Variants in SLC28A1 observed in about 807,000 individuals in gnomAD.
SLC28A1 encodes the protein sodium/nucleoside cotransporter 1.
A neutral mutation model predicts 74.8 loss-of-function variants in SLC28A1; 64 were observed. That is an observed-to-expected ratio of 0.86 (90% CI 0.70 to 1.05). The LOEUF (loss-of-function observed/expected upper bound fraction) is 1.05, where lower values mean the gene tolerates loss of function less well. Among genes scored for constraint, SLC28A1 ranks in the 50% least tolerant of loss-of-function variants. The pLI, the probability that SLC28A1 is intolerant of heterozygous loss-of-function variation, is 0.00. For missense variants in SLC28A1, 828 were observed against 822.8 expected (o/e 1.01, Z -0.08); for synonymous variants, 359 against 335.0 (o/e 1.07, Z -0.78).
At chr15:84,954,027 T>C in the SLC28A1 span, among the ~76,000 whole-genome samples, 3 of 152,328 alleles carry the variant, frequency 2.0e-5, no homozygotes, top group East Asian at 5.8e-4. Flanking sequence ...TTCTACTGAA[T>C]TGGATTTCTC....
chr15:84,908,596 C>CG (rs201878058), intron 8 of SLC28A1, 122 bp from the exon 9 acceptor site: 3 of 789,208 alleles, frequency 3.8e-6, no homozygotes, highest in South Asian at 1.4e-5. Flanking sequence ...TGCCCCCCCC[C>CG]GGATAAGGGC....
At chr15:84,943,591 G>A in intron 16 of SLC28A1, 65 bp downstream of exon 16, 3 of 1,219,846 alleles carry the variant, frequency 2.5e-6, no homozygotes, top group Non-Finnish European at 2.4e-6. Context: ...CTCGGGACAT[G>A]TAGGCCTCAG....
chr15:84,966,947 T>C, the SLC28A1 span, among the ~76,000 whole-genome samples: 1 of 151,086 alleles, frequency 6.6e-6, no homozygotes, highest in Admixed American at 6.7e-5. Context: ...AAGTTTTTTA[T>C]TTTTATTTTT....
intron 5 of SLC28A1, among the ~76,000 whole-genome samples, chr15:84,893,090 C>T (rs1596207794): frequency 1.3e-5 from 2 of 151,730 alleles, no homozygotes; most frequent in African/African-American, 4.8e-5. Flanking sequence ...CTTCCTGGCC[C>T]GCCCCGACCA....
At chr15:84,892,053 C>A (rs1014682487) in intron 5 of SLC28A1, among the ~76,000 whole-genome samples, 1 of 151,864 alleles carries the variant, frequency 6.6e-6, no homozygotes, top group Non-Finnish European at 1.5e-5. Context: ...TAAAGAGGGG[C>A]CAGGCATGGC....
At position 84,904,140 on chromosome 15, in the gene SLC28A1, T is replaced by C; in HGVS notation, c.505T>C (p.Ser169Pro). 6.2e-7 allele frequency: 1 copy of C among 1,614,170 alleles called. No homozygotes were observed. Among genetic ancestry groups the C allele is most frequent in the Non-Finnish European group, 8.5e-7 (1 of 1,180,026 alleles). ...TTTCCTGGGCCTGGTCCTGTGGCTG[T>C]CTCTGGACACCTCCCAGCGGCCTGA... ...AAFLGLVLWL[S>P]LDTSQRPEQL... Residue 169 changes from serine to proline, a missense_variant, in exon 7 of 19, where the codon TCT (serine) becomes CCT (proline). This residue lies in a region of SLC28A1 where 767 missense variants were observed against 753.5 expected (regional missense o/e 1.02). Transcript: ENST00000394573.
chr15:84,912,896 T>A (rs1415580369), intron 9 of SLC28A1, among the ~76,000 whole-genome samples: 1 of 150,060 alleles, frequency 6.7e-6, no homozygotes, highest in Non-Finnish European at 1.5e-5. Flanking sequence ...AGTTAAGGGG[T>A]AACTGGTAAC....
intron 15 of SLC28A1, among the ~76,000 whole-genome samples, chr15:84,937,702 G>A (rs1169628664): frequency 6.6e-6 from 1 of 151,990 alleles, no homozygotes; most frequent in Non-Finnish European, 1.5e-5. Context: ...AGGAGTTTGA[G>A]ACCAGCCTGA....
intron 6 of SLC28A1, among the ~76,000 whole-genome samples, chr15:84,901,513 AAAC>A (rs955416434): frequency 3.8e-4 from 55 of 143,994 alleles, no homozygotes; most frequent in African/African-American, 1.3e-3. Flanking sequence ...CATCTCAAAA[AAAC>A]AAAAAACAAA....
intron 9 of SLC28A1, among the ~76,000 whole-genome samples, chr15:84,913,374 AG>A (rs141215138): frequency 0.21 from 31,538 of 151,932 alleles, 3,573 homozygotes; most frequent in South Asian, 0.47. Flanking sequence ...CAGGGAGAGG[AG>A]GGGGCAGGCC....
chr15:84,965,898 C>CGGGGGG, the SLC28A1 span, among the ~76,000 whole-genome samples: 1 of 107,718 alleles, frequency 9.3e-6, no homozygotes, highest in African/African-American at 4.8e-5. Flanking sequence ...TGGAGGGAGG[C>CGGGGGG]GGGGAGGGGG....
downstream of SLC28A1, among the ~76,000 whole-genome samples, chr15:84,945,961 G>C (rs1320189906): frequency 6.7e-6 from 1 of 149,776 alleles, no homozygotes; most frequent in Non-Finnish European, 1.5e-5. Context: ...TCAGGCTCAA[G>C]TGATCCTCCC....
chr15:84,946,084 T>TTGTATATA (rs1567196223), downstream of SLC28A1, among the ~76,000 whole-genome samples: 34 of 27,532 alleles, frequency 1.2e-3, 2 homozygotes, highest in African/African-American at 5.2e-3. Context: ...GTGTGTATGT[T>TTGTATATA]CATATATATA....
chr15:84,972,315 A>G, the SLC28A1 span, among the ~76,000 whole-genome samples: 1 of 152,358 alleles, frequency 6.6e-6, no homozygotes, highest in African/African-American at 2.4e-5. Context: ...GATCAATAGC[A>G]TAGATTTCAG....
At chr15:84,891,989 G>A (rs1965420891) in intron 5 of SLC28A1, among the ~76,000 whole-genome samples, 1 of 152,036 alleles carries the variant, frequency 6.6e-6, no homozygotes, top group South Asian at 2.1e-4. Context: ...CCACCCCACC[G>A]GGAGGGGTGG....
chr15:84,924,280 G>A (rs3803389), intron 12 of SLC28A1, among the ~76,000 whole-genome samples, 170 bp downstream of exon 12: 16,436 of 151,688 alleles, frequency 0.11, 1,224 homozygotes, highest in Non-Finnish European at 0.15. Context: ...CCATTTGCTC[G>A]GGCTTTGCGC....
intron 9 of SLC28A1, among the ~76,000 whole-genome samples, chr15:84,913,568 C>T (rs1968655860): frequency 1.3e-5 from 2 of 152,200 alleles, no homozygotes; most frequent in Admixed American, 1.3e-4. Context: ...CTATTAAATC[C>T]AAAATATTTT....
At chr15:84,920,361 G>A (rs1219315407) in intron 10 of SLC28A1, among the ~76,000 whole-genome samples, 1 of 152,070 alleles carries the variant, frequency 6.6e-6, no homozygotes, top group Non-Finnish European at 1.5e-5. Flanking sequence ...CAGGAGAGTT[G>A]CTTGAACCTG....
At chr15:84,972,426 A>G in the SLC28A1 span, among the ~76,000 whole-genome samples, 139 of 152,374 alleles carry the variant, frequency 9.1e-4, no homozygotes, top group Admixed American at 1.4e-3. Context: ...AGGAATGATG[A>G]TATACCCATT....
Sources: allele counts gnomAD v4.1 joint callset (sites outside exome capture counted in the v4.1 genomes callset), GRCh38; gene constraint gnomAD v4.1.1; regional missense constraint gnomAD v4.1.1; transcripts MANE v1.5; gene names NCBI Gene and HGNC (gene_info 2026-07-23, HGNC 2026-07-21).